The following LDLRAD4 variants were observed in gnomAD, a reference collection of about 807,000 sequenced individuals.
The protein encoded by LDLRAD4 is low density lipoprotein receptor class A domain containing 4.
LDLRAD4 carries 5 observed loss-of-function variants against 17.0 expected under a neutral mutation model. That is an observed-to-expected ratio of 0.29 (90% CI 0.15 to 0.62). LDLRAD4 has a LOEUF of 0.62. Ranked by LOEUF, LDLRAD4 falls within the 20% of genes least tolerant of loss-of-function variation. LDLRAD4 has a pLI of 0.84. For missense variants in LDLRAD4, 340 were observed against 424.7 expected, an observed-to-expected ratio of 0.80 and a Z score of 1.75; for synonymous variants, 168 against 171.8, an observed-to-expected ratio of 0.98 and a Z score of 0.17.
intron 1 of LDLRAD4, among the ~76,000 whole-genome samples, chr18:13,235,410 GTCTGTGAA>G (rs1219458724): frequency 2.0e-5 from 3 of 152,154 alleles, no homozygotes; most frequent in Non-Finnish European, 2.9e-5. Flanking sequence ...GAAAATTATG[GTCTGTGAA>G]TCTTTTTTCC....
intron 1 of LDLRAD4, among the ~76,000 whole-genome samples, chr18:13,232,656 C>T (rs1259548427): frequency 1.3e-5 from 2 of 152,216 alleles, no homozygotes; most frequent in African/African-American, 4.8e-5. Flanking sequence ...TTGTCTGCAG[C>T]TCTGACTCTT....
At chr18:13,525,463 G>C (rs868771885) in intron 3 of LDLRAD4, among the ~76,000 whole-genome samples, 2 of 152,240 alleles carry the variant, frequency 1.3e-5, no homozygotes, top group Admixed American at 6.5e-5. Flanking sequence ...AGAACTACCA[G>C]TCGGGATCTG....
At position 13,374,291 on chromosome 18, in the gene LDLRAD4, G is replaced by C. The variant is rs565104197; in HGVS notation, c.-382-13050G>C. ...CAGCCCTGACCCCACACAGTCTCCT[G>C]TGGAGGCCAGAGCTGGGTCATGGAC... On this transcript the variant is annotated intron_variant, in intron 1 of 5. Transcript: ENST00000359446. Among the ~76,000 whole-genome samples, 3 of 152,328 alleles carry C rather than the reference G, an allele frequency of 2.0e-5. No individual in the cohort carries two copies. The East Asian group carries it at 5.8e-4, about 29-fold the overall frequency.
At chr18:13,377,388 AT>A (rs1455777420) in intron 1 of LDLRAD4, among the ~76,000 whole-genome samples, 1 of 152,170 alleles carries the variant, frequency 6.6e-6, no homozygotes, top group East Asian at 1.9e-4. Context: ...ATTGCAAGTC[AT>A]TCTTGGAAAG....
At chr18:13,352,295 A>G (rs959548629) in intron 1 of LDLRAD4, among the ~76,000 whole-genome samples, 1 of 152,250 alleles carries the variant, frequency 6.6e-6, no homozygotes, top group East Asian at 1.9e-4. Context: ...AATAAAGAGT[A>G]TTCAAATAGG....
intron 1 of LDLRAD4, chr18:13,241,290 A>G (rs1286665513): frequency 6.6e-6 from 1 of 152,238 alleles, no homozygotes; most frequent in East Asian, 1.9e-4. Context: ...GCTGGTTTAT[A>G]AAGACCCAAA....
At chr18:13,362,522 A>C (rs974012996) in intron 1 of LDLRAD4, 5 of 152,246 alleles carry the variant, frequency 3.3e-5, no homozygotes, top group Non-Finnish European at 7.3e-5. Flanking sequence ...CAGGGCAGCC[A>C]TGCGGCCTTC....
chr18:13,253,011 T>C (rs28674127), intron 1 of LDLRAD4, among the ~76,000 whole-genome samples: 22,920 of 152,216 alleles, frequency 0.15, 1,972 homozygotes, highest in East Asian at 0.26. Flanking sequence ...ACCGGGGCAC[T>C]GGGGGTCCAG....
intron 4 of LDLRAD4, among the ~76,000 whole-genome samples, chr18:13,641,254 A>G (rs1309874184): frequency 1.3e-5 from 2 of 152,168 alleles, no homozygotes; most frequent in Non-Finnish European, 2.9e-5. Flanking sequence ...TGGGCAGCAT[A>G]GCGAGATCCC....
At chr18:13,359,979 G>A (rs2144616959) in intron 1 of LDLRAD4, among the ~76,000 whole-genome samples, 2 of 152,322 alleles carry the variant, frequency 1.3e-5, no homozygotes, top group Middle Eastern at 6.8e-3. Flanking sequence ...AGCAATCTTT[G>A]GCTTTTGAAA....
At position 13,540,045 on chromosome 18, in the gene LDLRAD4, A is replaced by G. The variant is rs1016438683; in HGVS notation, c.182-81072A>G. Among the ~76,000 whole-genome samples, 3 of 152,190 alleles carry G rather than the reference A, an allele frequency of 2.0e-5. No homozygotes were observed. The South Asian group carries it at 6.2e-4, about 32-fold the overall frequency. On this transcript the variant is annotated intron_variant, in intron 3 of 5. Coordinates refer to ENST00000359446, the Ensembl canonical transcript of LDLRAD4. ...TGGAGCCAGGGTCACCCGCATGCCA[A>G]AGCTCCTTCTGGCCCAAGAACAGGG...
In LDLRAD4 at chr18:13,467,519, G is replaced by A. The variant is rs887858163; in HGVS notation, c.181+29135G>A. 3.3e-5 allele frequency among the ~76,000 whole-genome samples: 5 copies of A among 152,298 alleles called. No homozygotes were observed. In the East Asian group the frequency reaches 7.7e-4, roughly 23 times the overall value. On this transcript the variant is annotated intron_variant, in intron 3 of 5. Coordinates refer to ENST00000359446, the Ensembl canonical transcript of LDLRAD4. ...AGAATACCTAATTAAATGGAAAGACGTTCCATATTCATGGGTAAGAAGACT... is the reference window on the plus strand; with the variant it reads ...AGAATACCTAATTAAATGGAAAGACATTCCATATTCATGGGTAAGAAGACT...
In LDLRAD4 at chr18:13,532,937, G is replaced by A. The variant is rs186339184; in HGVS notation, c.182-88180G>A. ...AGGAGCCCTTGGTCAGGAGCTTGGA[G>A]TAGCAATGTCGGGTTTTCTGAATGA... On this transcript the variant is annotated intron_variant, in intron 3 of 5. Coordinates refer to ENST00000359446, the Ensembl canonical transcript of LDLRAD4. Among the ~76,000 whole-genome samples the A allele has an allele frequency of 1.1e-3, 175 of 152,342 alleles. 1 individual carries two copies. Among genetic ancestry groups the A allele is most frequent in the East Asian group, 5.8e-4 (3 of 5,194 alleles).
intron 3 of LDLRAD4, chr18:13,612,157 T>G (rs1367553456): frequency 2.0e-6 from 2 of 986,192 alleles, no homozygotes; most frequent in East Asian, 1.1e-4. Context: ...TCCTCCTTTC[T>G]GTCTGGACTG....
At chr18:13,352,633 G>A (rs1245452634) in intron 1 of LDLRAD4, among the ~76,000 whole-genome samples, 1 of 152,132 alleles carries the variant, frequency 6.6e-6, no homozygotes, top group East Asian at 1.9e-4. Flanking sequence ...TTTTCTCAAA[G>A]TTGAGACATT....
intron 5 of LDLRAD4, among the ~76,000 whole-genome samples, chr18:13,643,640 T>A (rs187344111): frequency 6.6e-6 from 1 of 152,370 alleles, no homozygotes; most frequent in East Asian, 1.9e-4. Context: ...AAAAACAATT[T>A]GAGAATCACT....
At chr18:13,437,069 C>T (rs1449868770) in intron 2 of LDLRAD4, among the ~76,000 whole-genome samples, 1 of 152,264 alleles carries the variant, frequency 6.6e-6, no homozygotes, top group African/African-American at 2.4e-5. Flanking sequence ...GGTAGCCCCA[C>T]ACATGGTTAG....
chr18:13,227,487 G>A (rs1460315603), intron 1 of LDLRAD4, among the ~76,000 whole-genome samples: 1 of 152,190 alleles, frequency 6.6e-6, no homozygotes, highest in Non-Finnish European at 1.5e-5. Context: ...GGTGTATGCT[G>A]GGGGTGCACT....
intron 2 of LDLRAD4, among the ~76,000 whole-genome samples, chr18:13,435,987 A>T (rs574304831): frequency 6.6e-6 from 1 of 152,370 alleles, no homozygotes; most frequent in South Asian, 2.1e-4. Context: ...ATGGAATAAA[A>T]TGGGAAGAAT....
Sources: gnomAD v4.1 joint callset for allele counts (sites outside exome capture counted in the v4.1 genomes callset) on GRCh38, gnomAD v4.1.1 for gene constraint, MANE v1.5 for transcripts, NCBI Gene and HGNC (gene_info 2026-07-23, HGNC 2026-07-21) for gene names.